The following ATP6V0E1 variants were observed in gnomAD, a reference collection of about 807,000 sequenced individuals.
The protein encoded by ATP6V0E1 is V-type proton ATPase subunit e 1.
In ATP6V0E1, 4 loss-of-function variants were observed where a neutral mutation model predicts 11.6. The ratio of observed to expected loss-of-function variants is 0.35; its 90% confidence interval spans 0.17 to 0.79. ATP6V0E1 has a LOEUF of 0.79. Ranked by LOEUF, ATP6V0E1 falls within the 30% of genes least tolerant of loss-of-function variation. ATP6V0E1 has a pLI of 0.54. For synonymous variants in ATP6V0E1, 36 were observed against 34.8 expected (o/e 1.04, Z -0.13); for missense variants, 105 against 100.0 (o/e 1.05, Z -0.21).
intron 3 of ATP6V0E1, among the ~76,000 whole-genome samples, chr5:173,028,587 A>G (rs941174249): frequency 5.9e-5 from 9 of 152,376 alleles, no homozygotes; most frequent in African/African-American, 1.9e-4. Flanking sequence ...AATCAATCCA[A>G]AGAACACACC....
At chr5:173,011,423 A>C (rs1022094481) in intron 2 of ATP6V0E1, among the ~76,000 whole-genome samples, 1 of 152,064 alleles carries the variant, frequency 6.6e-6, no homozygotes, top group African/African-American at 2.4e-5. Context: ...GGCTCAAGCA[A>C]TCCACCTGCC....
Position 173,023,873 on chromosome 5 carries a change from T to A in ATP6V0E1, c.*36+3506T>A, listed in dbSNP as rs151278183. 3.2e-4 allele frequency among the ~76,000 whole-genome samples: 48 copies of A among 151,374 alleles called. 1 individual carries two copies. The East Asian group carries it at 9.4e-3, about 30-fold the overall frequency. On this transcript the variant is annotated intron_variant, in intron 3 of 3. Coordinates refer to ENST00000519374, the MANE Select transcript of ATP6V0E1 (RefSeq NM_003945.4). The stretch of plus-strand genomic sequence containing the variant: ...AAACAAACAAACAAAAAACTTTTCC[T>A]CATCAACAGGATGATCTAATAGACT...
At chr5:173,005,174 C>A (rs1756211153) in intron 2 of ATP6V0E1, among the ~76,000 whole-genome samples, 1 of 147,400 alleles carries the variant, frequency 6.8e-6, no homozygotes, top group African/African-American at 2.5e-5. Context: ...AAAAAAAAAA[C>A]CTGTTGGGAT....
At chr5:173,011,674 T>C (rs1047208025) in intron 2 of ATP6V0E1, among the ~76,000 whole-genome samples, 2 of 152,202 alleles carry the variant, frequency 1.3e-5, no homozygotes, top group Non-Finnish European at 2.9e-5. Flanking sequence ...TCTGCAGTTC[T>C]CTGAAGACAT....
chr5:172,989,917 C>T (rs1039869176), intron 1 of ATP6V0E1, among the ~76,000 whole-genome samples: 1 of 152,212 alleles, frequency 6.6e-6, no homozygotes, highest in Non-Finnish European at 1.5e-5. Flanking sequence ...TAGCCCGCTG[C>T]AGCCTCAACC....
chr5:172,999,154 G>C (rs2113587997), intron 2 of ATP6V0E1, among the ~76,000 whole-genome samples: 1 of 152,174 alleles, frequency 6.6e-6, no homozygotes, highest in Non-Finnish European at 1.5e-5. Flanking sequence ...AAGGGGGTCG[G>C]GGGAATGAGT....
intron 1 of ATP6V0E1, chr5:172,986,746 G>A (rs1292121623): frequency 2.2e-6 from 1 of 449,696 alleles, no homozygotes; most frequent in South Asian, 1.5e-5. Context: ...CAAGGAGATG[G>A]ATGGGGAAGA....
At chr5:173,018,744 A>G (rs1262357114) in intron 2 of ATP6V0E1, among the ~76,000 whole-genome samples, 1 of 152,150 alleles carries the variant, frequency 6.6e-6, no homozygotes, top group Non-Finnish European at 1.5e-5. Context: ...TGAGGCCTAG[A>G]ACTTAGTAGG....
chr5:172,993,019 C>T (rs369347088), intron 1 of ATP6V0E1, among the ~76,000 whole-genome samples: 3 of 151,820 alleles, frequency 2.0e-5, no homozygotes, highest in African/African-American at 7.2e-5. Flanking sequence ...AGGCTGGTCT[C>T]GAACTCCTGA....
chr5:172,992,474 C>T (rs1442152625), intron 1 of ATP6V0E1, among the ~76,000 whole-genome samples: 1 of 152,102 alleles, frequency 6.6e-6, no homozygotes, highest in African/African-American at 2.4e-5. Context: ...CACACAGACC[C>T]CTTCCTCTTT....
chr5:173,035,214 G>A lies in ATP6V0E1; in HGVS notation c.*852G>A, dbSNP rs1395622539. Reference sequence around the variant, plus strand: ...TGTTGGAGCATTGTCCTTAAAGATGGTACCATGGTGAGCAGTTCAAGGTTA... The same window carrying A: ...TGTTGGAGCATTGTCCTTAAAGATGATACCATGGTGAGCAGTTCAAGGTTA... On this transcript the variant is annotated 3_prime_UTR_variant, in exon 4 of 4. Coordinates refer to ENST00000519374, the MANE Select transcript of ATP6V0E1 (RefSeq NM_003945.4). The A allele has an allele frequency of 6.6e-6, 1 of 152,072 alleles. No individual in the cohort carries two copies. The highest frequency in any genetic ancestry group is 2.4e-5 in the African/African-American group (1 of 41,410). The allele number at this position is 152,072 out of a possible 1,614,324, so 9.4% of individuals were successfully genotyped here. A position where few individuals can be genotyped will look rare whatever the true frequency, so the allele number is the denominator to read the frequency against.
intron 3 of ATP6V0E1, among the ~76,000 whole-genome samples, chr5:173,030,919 T>TTTTATTTA (rs1554120178): frequency 9.7e-5 from 13 of 133,790 alleles, no homozygotes; most frequent in Admixed American, 7.2e-4. Context: ...TGGCTAATTT[T>TTTTATTTA]TGTATTTATT....
chr5:173,020,301 C>G lies in ATP6V0E1; in HGVS notation c.216C>G (p.Thr72=). ...PLFGPQLKNE[T]IWYLKYHWP ...TTGGACCGCAATTGAAAAATGAAAC[C>G]ATCTGGTATCTGAAGTATCATTGGC... Residue 72 remains threonine (T), a synonymous_variant, in exon 3 of 4, where the codon ACC becomes ACG. Coordinates refer to ENST00000519374, the MANE Select transcript of ATP6V0E1 (RefSeq NM_003945.4). 1 of 1,613,776 alleles carries G rather than the reference C, an allele frequency of 6.2e-7. No homozygotes were observed. The highest frequency in any genetic ancestry group is 1.3e-5 in the African/African-American group (1 of 75,024).
chr5:172,983,976 A>G lies in ATP6V0E1; in HGVS notation c.104+12A>G. The G allele has an allele frequency of 1.2e-5, 19 of 1,611,272 alleles. No individual in the cohort carries two copies. Among genetic ancestry groups the G allele is most frequent in the Non-Finnish European group, 1.5e-5 (18 of 1,178,940 alleles). ...GGTCCTAACCGGGGGTAAGTGCGTGAGGCCCGCCTTGGGAGGAACGGGCGG... is the reference window on the plus strand; with the variant it reads ...GGTCCTAACCGGGGGTAAGTGCGTGGGGCCCGCCTTGGGAGGAACGGGCGG... On this transcript the variant is annotated intron_variant, in intron 1 of 3. Coordinates refer to ENST00000519374, the MANE Select transcript of ATP6V0E1 (RefSeq NM_003945.4).
intron 1 of ATP6V0E1, among the ~76,000 whole-genome samples, chr5:172,989,462 A>G (rs1369588672): frequency 6.6e-6 from 1 of 152,112 alleles, no homozygotes; most frequent in East Asian, 1.9e-4. Context: ...AATTAACATC[A>G]AATACATCTG....
At chr5:173,013,585 A>G (rs1269813803) in intron 2 of ATP6V0E1, among the ~76,000 whole-genome samples, 1 of 151,674 alleles carries the variant, frequency 6.6e-6, no homozygotes, top group East Asian at 1.9e-4. Context: ...AAAAAAAAAA[A>G]AAAAAAAAAG....
chr5:172,999,007 G>A lies in ATP6V0E1; in HGVS notation c.152+4185G>A, dbSNP rs926929336. Reference sequence around the variant, plus strand: ...CAAAATTAGCCCCATGTGGTGGCGGGCACCTATAATCCCAGCTACTAAGGA... The same window carrying A: ...CAAAATTAGCCCCATGTGGTGGCGGACACCTATAATCCCAGCTACTAAGGA... On this transcript the variant is annotated intron_variant, in intron 2 of 3. Transcript: ENST00000519374. 2.3e-4 allele frequency among the ~76,000 whole-genome samples: 35 copies of A among 152,038 alleles called. 1 individual carries two copies. The highest frequency in any genetic ancestry group is 1.5e-5 in the Non-Finnish European group (1 of 68,018).
rs763578412 is a variant in ATP6V0E1, at chr5:173,020,691, A to G, written c.*36+324A>G. 7.7e-6 allele frequency: 4 copies of G among 521,206 alleles called. No individual in the cohort carries two copies. In the Admixed American group the frequency reaches 7.7e-5, roughly 10 times the overall value. The allele number at this position is 521,206 out of a possible 1,614,324, so 32.3% of individuals were successfully genotyped here. On this transcript the variant is annotated intron_variant, in intron 3 of 3. Coordinates refer to ENST00000519374, the MANE Select transcript of ATP6V0E1 (RefSeq NM_003945.4). ...GCATTGTGAGATCCAGCAACTTTAA[A>G]AAGTGGCTGGCAGATTTAAAATTGA...
At chr5:173,033,583 C>G (rs918934586) in intron 3 of ATP6V0E1, among the ~76,000 whole-genome samples, 2 of 152,140 alleles carry the variant, frequency 1.3e-5, no homozygotes, top group South Asian at 2.1e-4. Flanking sequence ...TGGCTCATGC[C>G]TGTAATCCCA....
Sources: gnomAD v4.1 joint callset for allele counts (sites outside exome capture counted in the v4.1 genomes callset) on GRCh38, gnomAD v4.1.1 for gene constraint, MANE v1.5 for transcripts, NCBI Gene and HGNC (gene_info 2026-07-23, HGNC 2026-07-21) for gene names.